MMP26: variants seen among roughly 807,000 people sequenced by gnomAD.
MMP26 encodes the protein matrix metalloproteinase-26.
In MMP26, 33 loss-of-function variants were observed where a neutral mutation model predicts 31.0. The observed-to-expected ratio is 1.06, with a 90% CI of 0.81 to 1.42. The LOEUF is 1.42. Ranked by LOEUF, MMP26 falls within the 40% of genes most tolerant of loss-of-function variation. The pLI is 0.00. For synonymous variants in MMP26, 122 were observed against 114.9 expected (o/e 1.06, Z -0.40); for missense variants, 347 against 316.1 (o/e 1.10, Z -0.74).
intron 2 of MMP26, among the ~76,000 whole-genome samples, chr11:4,918,782 T>C (rs1236085795): frequency 2.6e-5 from 4 of 152,204 alleles, no homozygotes; most frequent in African/African-American, 9.7e-5. Flanking sequence ...ACTGTTCTGA[T>C]TCTATTATAA....
intron 2 of MMP26, among the ~76,000 whole-genome samples, chr11:4,835,327 C>T (rs974260006): frequency 2.0e-5 from 3 of 152,002 alleles, no homozygotes; most frequent in Non-Finnish European, 4.4e-5. Flanking sequence ...AGGCTTTTCC[C>T]GATCTGCAGT....
chr11:4,839,406 A>G (rs1409422267), intron 2 of MMP26, among the ~76,000 whole-genome samples: 1 of 151,460 alleles, frequency 6.6e-6, no homozygotes, highest in Non-Finnish European at 1.5e-5. Flanking sequence ...CAGGCTGCAT[A>G]GCTCATGGCA....
intron 2 of MMP26, among the ~76,000 whole-genome samples, chr11:4,816,697 C>CT (rs747753151): frequency 0.097 from 7,740 of 79,474 alleles, 938 homozygotes; most frequent in African/African-American, 0.23. Context: ...TGGGTGCCTT[C>CT]TTTTTTTTTT....
intron 2 of MMP26, chr11:4,803,343 A>T: frequency 2.2e-6 from 2 of 904,380 alleles, no homozygotes; most frequent in Non-Finnish European, 3.4e-6. Flanking sequence ...GAGCTGACTT[A>T]GTGATAATAA....
intron 2 of MMP26, among the ~76,000 whole-genome samples, chr11:4,768,668 A>G (rs763429950): frequency 2.1e-4 from 32 of 152,160 alleles, no homozygotes; most frequent in Admixed American, 5.9e-4. Context: ...GCTGTTTTGG[A>G]AGAATAAATG....
At chr11:4,923,509 G>C in intron 2 of MMP26, 2 of 1,614,166 alleles carry the variant, frequency 1.2e-6, no homozygotes, top group Non-Finnish European at 1.7e-6. Context: ...CATAGGACAT[G>C]AAGAGGTGTA....
rs188899456 is a variant in MMP26 at position 4,889,921 on chromosome 11, A to G, written c.-144-98147A>G. On this transcript the variant is annotated intron_variant, in intron 2 of 7. Transcript: ENST00000380390. ...TAATGAACACACTTTCTGACATCAT[A>G]CAGAGGGCAAGAAAGAAACCATAGA... 1.9e-5 allele frequency: 3 copies of G among 156,440 alleles called. No individual in the cohort carries two copies. In the East Asian group the frequency reaches 5.5e-4, roughly 29 times the overall value. 9.7% of individuals were successfully genotyped at this position (156,440 alleles called of 1,614,324 possible). A position where few individuals can be genotyped will look rare whatever the true frequency, so the allele number is the denominator to read the frequency against.
rs543549984 is a variant in MMP26, at chr11:4,795,830, AAGAGAGAGAGAGGG to A, written c.-145+28502_-145+28515del. 1.1e-3 allele frequency among the ~76,000 whole-genome samples: 155 copies of A among 143,670 alleles called. No homozygotes were observed. The Middle Eastern group carries it at 0.011, about 10-fold the overall frequency. The allele number at this position is 143,670 out of a possible 152,430, so 94.3% of individuals were successfully genotyped here. The stretch of plus-strand genomic sequence containing the variant: ...AGGACGAAGGGGACAGGGAGAGAGA[AAGAGAGAGAGAGGG>A]AGAGAGAGAGAGAGAGAGAGAGAGA... On this transcript the variant is annotated intron_variant, in intron 2 of 7. Coordinates refer to ENST00000380390, the MANE Select transcript of MMP26 (RefSeq NM_021801.5).
chr11:4,804,574 C>T (rs773075745), intron 2 of MMP26: 11 of 768,776 alleles, frequency 1.4e-5, no homozygotes, highest in Non-Finnish European at 2.7e-5. Flanking sequence ...CATGATGTTA[C>T]TGTTGTTTTT....
At chr11:4,830,611 T>A (rs1028679982) in intron 2 of MMP26, among the ~76,000 whole-genome samples, 10 of 152,216 alleles carry the variant, frequency 6.6e-5, no homozygotes, top group African/African-American at 2.4e-4. Flanking sequence ...GGGAGACAGA[T>A]GTTGTGTTAT....
At chr11:4,810,192 T>C (rs1296314497) in intron 2 of MMP26, among the ~76,000 whole-genome samples, 1 of 152,026 alleles carries the variant, frequency 6.6e-6, no homozygotes, top group East Asian at 1.9e-4. Flanking sequence ...AAAAAAGGTG[T>C]GTTGTTGAGA....
chr11:4,813,381 T>A (rs971131614), intron 2 of MMP26, among the ~76,000 whole-genome samples: 1 of 152,070 alleles, frequency 6.6e-6, no homozygotes, highest in Non-Finnish European at 1.5e-5. Context: ...TTCCTTTCTT[T>A]CTATTTATTT....
intron 2 of MMP26, among the ~76,000 whole-genome samples, chr11:4,797,805 C>T (rs560919058): frequency 2.6e-5 from 4 of 152,174 alleles, no homozygotes; most frequent in Non-Finnish European, 5.9e-5. Flanking sequence ...TTATACATCT[C>T]CTTTAAAGTT....
intron 2 of MMP26, among the ~76,000 whole-genome samples, chr11:4,846,657 T>G (rs1049679358): frequency 6.6e-6 from 1 of 152,100 alleles, no homozygotes; most frequent in Non-Finnish European, 1.5e-5. Context: ...TCAAAACATC[T>G]CATGTACCCC....
intron 2 of MMP26, among the ~76,000 whole-genome samples, chr11:4,910,158 C>T (rs931309655): frequency 7.2e-5 from 11 of 151,990 alleles, no homozygotes; most frequent in African/African-American, 7.2e-5. Flanking sequence ...AATCTGTTTT[C>T]GTGCATTTTC....
intron 2 of MMP26, among the ~76,000 whole-genome samples, chr11:4,868,016 G>A (rs1394305163): frequency 6.6e-6 from 1 of 152,086 alleles, no homozygotes; most frequent in African/African-American, 2.4e-5. Flanking sequence ...TGATAGACTG[G>A]ATAAAGAAAA....
chr11:4,868,873 CAG>C lies in MMP26; in HGVS notation c.-145+101534_-145+101535del, dbSNP rs1850274301. 2.0e-5 allele frequency among the ~76,000 whole-genome samples: 3 copies of C among 152,114 alleles called. No homozygotes were observed. The East Asian group carries it at 5.8e-4, about 30-fold the overall frequency. On this transcript the variant is annotated intron_variant, in intron 2 of 7. Transcript: ENST00000380390. The stretch of plus-strand genomic sequence containing the variant: ...TGGTGCTGGTACCAAAACAGAGATA[CAG>C]ACCAATGGAACAGAACAGAGCCCTC...
chr11:4,837,147 T>C (rs773248142), intron 2 of MMP26, among the ~76,000 whole-genome samples: 16 of 152,116 alleles, frequency 1.1e-4, no homozygotes, highest in Admixed American at 3.3e-4. Context: ...TTGGTGCAAA[T>C]GTAATTGCTA....
intron 2 of MMP26, chr11:4,787,334 C>G (rs1282408139): frequency 6.6e-6 from 1 of 152,240 alleles, no homozygotes; most frequent in Non-Finnish European, 1.5e-5. Context: ...TGTTCTGATT[C>G]AAGGATGAAC....
Sources: gnomAD v4.1 joint callset for allele counts (sites outside exome capture counted in the v4.1 genomes callset) on GRCh38, gnomAD v4.1.1 for gene constraint, MANE v1.5 for transcripts, NCBI Gene and HGNC (gene_info 2026-07-23, HGNC 2026-07-21) for gene names.